Variants in ZMYND11 observed in about 807,000 individuals in gnomAD.
ZMYND11 encodes the protein zinc finger MYND domain-containing protein 11.
Under a neutral mutation model 84.9 loss-of-function variants are expected in ZMYND11, and 9 were observed. The observed-to-expected ratio is 0.11, with a 90% CI of 0.06 to 0.18. The LOEUF (loss-of-function observed/expected upper bound fraction) is 0.18. ZMYND11 is among the 10% of genes least tolerant of loss of function. The pLI, the probability that ZMYND11 is intolerant of heterozygous loss-of-function variation, is 1.00. For missense variants in ZMYND11, 409 were observed against 761.0 expected, an observed-to-expected ratio of 0.54 and a Z score of 5.44; for synonymous variants, 250 against 244.1, an observed-to-expected ratio of 1.02 and a Z score of -0.23.
chr10:158,427 T>TTA (rs1554760160), intron 1 of ZMYND11, among the ~76,000 whole-genome samples: 1 of 151,336 alleles, frequency 6.6e-6, no homozygotes, highest in Non-Finnish European at 1.5e-5. Context: ...TTTTTTTTTT[T>TTA]TTTTATTTTG....
intron 2 of ZMYND11, among the ~76,000 whole-genome samples, chr10:202,644 TC>T (rs1421342567): frequency 6.6e-6 from 1 of 152,184 alleles, no homozygotes; most frequent in Non-Finnish European, 1.5e-5. Flanking sequence ...TTGCGACTCA[TC>T]CTTCAGCCAT....
intron 2 of ZMYND11, among the ~76,000 whole-genome samples, chr10:205,742 T>G (rs1944011215): frequency 6.6e-6 from 1 of 152,094 alleles, no homozygotes; most frequent in African/African-American, 2.4e-5. Context: ...ATTTTCTTTT[T>G]TAACAGCATT....
intron 1 of ZMYND11, among the ~76,000 whole-genome samples, chr10:157,329 G>A (rs1204286381): frequency 1.3e-5 from 2 of 151,954 alleles, no homozygotes; most frequent in Non-Finnish European, 2.9e-5. Context: ...CCTTCCAAGT[G>A]GCTTGGATTA....
chr10:200,979 A>G (rs1943041723), intron 2 of ZMYND11, among the ~76,000 whole-genome samples: 1 of 152,144 alleles, frequency 6.6e-6, no homozygotes, highest in South Asian at 2.1e-4. Context: ...AAGAAATTCA[A>G]CATTTCTAAT....
intron 2 of ZMYND11, among the ~76,000 whole-genome samples, chr10:192,309 A>G (rs567203195): frequency 6.6e-6 from 1 of 152,292 alleles, no homozygotes; most frequent in South Asian, 2.1e-4. Context: ...TACATTTTGC[A>G]TCCGTGATAT....
chr10:194,619 G>A (rs942385477), intron 2 of ZMYND11, among the ~76,000 whole-genome samples: 14 of 152,228 alleles, frequency 9.2e-5, no homozygotes, highest in Middle Eastern at 3.4e-3. Flanking sequence ...CATTCCGCTC[G>A]ATTTATACTA....
chr10:154,411 GA>G (rs1433557735), intron 1 of ZMYND11, among the ~76,000 whole-genome samples: 6 of 152,084 alleles, frequency 3.9e-5, no homozygotes, highest in Non-Finnish European at 7.4e-5. Context: ...ACAAAAAGCA[GA>G]AAAAAGCAAA....
chr10:183,409 G>A (rs778553492), intron 2 of ZMYND11, among the ~76,000 whole-genome samples: 12 of 152,086 alleles, frequency 7.9e-5, no homozygotes, highest in Non-Finnish European at 1.8e-4. Context: ...TTCCCTGGGA[G>A]TGGTATGTTC....
intron 1 of ZMYND11, among the ~76,000 whole-genome samples, chr10:152,963 T>G (rs556868398): frequency 2.0e-5 from 3 of 152,220 alleles, no homozygotes; most frequent in Non-Finnish European, 4.4e-5. Context: ...GAATGACTAC[T>G]GGGTACATAG....
At chr10:155,848 A>G (rs1289723007) in intron 1 of ZMYND11, among the ~76,000 whole-genome samples, 3 of 152,332 alleles carry the variant, frequency 2.0e-5, no homozygotes, top group African/African-American at 7.2e-5. Flanking sequence ...GGCTGTCATC[A>G]TGGTGATGTA....
intron 14 of ZMYND11, among the ~76,000 whole-genome samples, chr10:251,094 A>G (rs1304434813): frequency 6.6e-5 from 10 of 152,384 alleles, no homozygotes; most frequent in Non-Finnish European, 1.3e-4. Context: ...ATTATAGGAC[A>G]GAAAGCATGT....
chr10:232,325 G>C (rs1005539789), intron 4 of ZMYND11, among the ~76,000 whole-genome samples: 2 of 152,220 alleles, frequency 1.3e-5, no homozygotes, highest in Admixed American at 6.5e-5. Flanking sequence ...ACCTGGGACA[G>C]AATGTGCAAT....
intron 1 of ZMYND11, among the ~76,000 whole-genome samples, chr10:172,729 G>A (rs1335935243): frequency 2.0e-5 from 3 of 152,034 alleles, no homozygotes; most frequent in African/African-American, 7.2e-5. Flanking sequence ...TTATTTCATG[G>A]ATATCAACAA....
chr10:241,775 C>T (rs1054080408), intron 9 of ZMYND11, among the ~76,000 whole-genome samples: 2 of 152,138 alleles, frequency 1.3e-5, no homozygotes, highest in Non-Finnish European at 2.9e-5. Flanking sequence ...CTCTTGTTTG[C>T]CACCGTCATA....
intron 4 of ZMYND11, among the ~76,000 whole-genome samples, chr10:229,902 T>G (rs1012392023): frequency 6.6e-6 from 1 of 152,184 alleles, no homozygotes; most frequent in Admixed American, 6.5e-5. Context: ...TACAGAGTGT[T>G]TTGATTTCTG....
chr10:179,868 A>C, intron 1 of ZMYND11, 126 bp from the exon 2 acceptor site: 1 of 509,716 alleles, frequency 2.0e-6, no homozygotes, highest in Admixed American at 3.7e-5. Context: ...AAAAAAATAG[A>C]AAGTGGGCAA....
At chr10:150,986 A>G (rs1240752499) in intron 1 of ZMYND11, among the ~76,000 whole-genome samples, 8 of 152,210 alleles carry the variant, frequency 5.3e-5, no homozygotes, top group Admixed American at 3.3e-4. Context: ...GCAAACTCCA[A>G]CAGACCTGCA....
chr10:230,981 T>C (rs1391919411), intron 4 of ZMYND11, among the ~76,000 whole-genome samples: 1 of 152,208 alleles, frequency 6.6e-6, no homozygotes, highest in Non-Finnish European at 1.5e-5. Flanking sequence ...GCCCGTGAGC[T>C]AAGAATGACT....
intron 2 of ZMYND11, among the ~76,000 whole-genome samples, chr10:195,321 G>A (rs1340907730): frequency 6.6e-6 from 1 of 151,970 alleles, no homozygotes; most frequent in East Asian, 1.9e-4. Flanking sequence ...ATACAAGAAC[G>A]AATAATGAGC....
Sources: gnomAD v4.1 joint callset for allele counts (sites outside exome capture counted in the v4.1 genomes callset) on GRCh38, gnomAD v4.1.1 for gene constraint, MANE v1.5 for transcripts, NCBI Gene and HGNC (gene_info 2026-07-23, HGNC 2026-07-21) for gene names.